COX7B: variants seen among roughly 807,000 people sequenced by gnomAD.
The protein encoded by COX7B is cytochrome c oxidase subunit 7B, mitochondrial.
Under a neutral mutation model 7.9 loss-of-function variants are expected in COX7B, and 2 were observed. The observed-to-expected ratio is 0.25, with a 90% CI of 0.10 to 0.79. The LOEUF (loss-of-function observed/expected upper bound fraction) is 0.79. Among genes scored for constraint, COX7B ranks in the 30% least tolerant of loss-of-function variants. The pLI is 0.69. For synonymous variants in COX7B, 19 were observed against 21.1 expected (o/e 0.90, Z 0.27); for missense variants, 54 against 62.7 (o/e 0.86, Z 0.47).
At chrX:77,903,028 GT>G (rs781818450) in intron 2 of COX7B, 3,464 of 143,206 alleles carry the variant, frequency 0.024, no homozygotes, top group Middle Eastern at 0.045. Flanking sequence ...TTTTGTTTTT[GT>G]TTTTTTTTTT....
chrX:77,903,390 C>T (rs2149033801), intron 2 of COX7B, among the ~76,000 whole-genome samples: 1 of 109,109 alleles, frequency 9.2e-6, no homozygotes, highest in Admixed American at 1.0e-4. Flanking sequence ...GACGGGGTTT[C>T]ACCATGTTAG....
rs1330569799 is a variant in COX7B at position 77,907,156 on chromosome X, C to T, written c.*1895C>T. 9.0e-6 allele frequency: 1 copy of T among 111,427 alleles called. No homozygotes were observed. Among genetic ancestry groups the T allele is most frequent in the African/African-American group, 3.3e-5 (1 of 30,679 alleles). The allele number at this position is 111,427 out of a possible 1,213,427, so 9.2% of individuals were successfully genotyped here. A position where few individuals can be genotyped will look rare whatever the true frequency, so the allele number is the denominator to read the frequency against. ...AGTTTCTCATCAAATGGACCAAAGT[C>T]AGTGATTTTATTTGAAGAGGAAAAA... On this transcript the variant is annotated 3_prime_UTR_variant, in exon 3 of 3. Transcript: ENST00000650309.
At chrX:77,904,659 CAAAAA>C (rs1324054242) in intron 2 of COX7B, among the ~76,000 whole-genome samples, 5 of 103,119 alleles carry the variant, frequency 4.8e-5, no homozygotes, top group Admixed American at 4.2e-4. Flanking sequence ...AAAAAAGTCT[CAAAAA>C]AAAAATTAAA....
rs782409270 is a variant in COX7B at position 77,906,399 on chromosome X, G to A, written c.*1138G>A. On this transcript the variant is annotated 3_prime_UTR_variant, in exon 3 of 3. Coordinates refer to ENST00000650309, the MANE Select transcript of COX7B (RefSeq NM_001866.3). ...AAGACTAGCTACTAGCTCCTTGGCT[G>A]TTTTGGCATATTCATCTTGATTATA... 30 of 111,835 alleles carry A rather than the reference G, an allele frequency of 2.7e-4. No homozygotes were observed. Among genetic ancestry groups the A allele is most frequent in the African/African-American group, 9.1e-4 (28 of 30,827 alleles). 9.2% of individuals were successfully genotyped at this position (111,835 alleles called of 1,213,427 possible).
At chrX:77,902,508 A>G in intron 1 of COX7B, 135 bp from the exon 2 acceptor site, 3 of 618,350 alleles carry the variant, frequency 4.9e-6, no homozygotes, top group Non-Finnish European at 7.3e-6. Context: ...AATATGTTTT[A>G]ACATTTTATT....
chrX:77,902,548 C>G, intron 1 of COX7B, 95 bp from the exon 2 acceptor site: 1 of 956,880 alleles, frequency 1.0e-6, no homozygotes, highest in East Asian at 3.1e-5. Flanking sequence ...AATTAACTTC[C>G]TTGGCTTTCC....
intron 1 of COX7B, among the ~76,000 whole-genome samples, chrX:77,899,794 C>T (rs1019335665): frequency 9.0e-6 from 1 of 111,093 alleles, no homozygotes; most frequent in Non-Finnish European, 1.9e-5. Context: ...TTCCAGCTCT[C>T]TTTCTGTTAT....
chrX:77,902,842 A>G (rs1320324887), intron 2 of COX7B, 75 bp downstream of exon 2: 3 of 1,004,231 alleles, frequency 3.0e-6, no homozygotes, highest in South Asian at 2.1e-5. Flanking sequence ...GTGTCTTAAC[A>G]TAGTAGTGTA....
In COX7B at chrX:77,905,210, G is replaced by C; in HGVS notation, c.192G>C (p.Trp64Cys). 2 of 1,209,922 alleles carry C rather than the reference G, an allele frequency of 1.7e-6. No individual in the cohort carries two copies. ...TYVATQVGIE[W>C]NLSPVGRVTP... ...TAGCAACACAAGTCGGAATAGAATG[G>C]AACCTGTCCCCTGTTGGCAGAGTTA... Residue 64 changes from tryptophan to cysteine, a missense_variant, in exon 3 of 3, where the codon TGG becomes TGC. Trp to Cys is a radical substitution (Grantham distance 215). Transcript: ENST00000650309.
chrX:77,902,638 G>GT lies in COX7B; in HGVS notation c.41-4dup, dbSNP rs2077123433. 8.3e-7 allele frequency: 1 copy of GT among 1,204,210 alleles called. No homozygotes were observed. The highest frequency in any genetic ancestry group is 1.8e-5 in the African/African-American group (1 of 56,857). ...TTCTGTATTCTTTTTTCGTTTTCCT[G>GT]TAAGTTCGAAGCATTCAGCAAACAA... On this transcript the variant is annotated splice_region_variant and splice_polypyrimidine_tract_variant and intron_variant, in intron 1 of 2. Transcript: ENST00000650309.
At chrX:77,904,290 A>G (rs1483582230) in intron 2 of COX7B, among the ~76,000 whole-genome samples, 1 of 110,562 alleles carries the variant, frequency 9.0e-6, no homozygotes, top group African/African-American at 3.3e-5. Context: ...CCTTAATGTA[A>G]TAAACTTTAT....
intron 2 of COX7B, among the ~76,000 whole-genome samples, chrX:77,903,936 GTTTTTTT>G (rs781838016): frequency 2.4e-5 from 2 of 84,036 alleles, no homozygotes; most frequent in Admixed American, 2.6e-4. Flanking sequence ...TTTGTTTTTT[GTTTTTTT>G]TTTTTTTGAG....
At chrX:77,899,681 C>T in intron 1 of COX7B, 88 bp downstream of exon 1, 3 of 898,191 alleles carry the variant, frequency 3.3e-6, no homozygotes, top group South Asian at 2.1e-5. Flanking sequence ...TTACGAACAT[C>T]TCGGCCTTCT....
At chrX:77,902,865 G>T in intron 2 of COX7B, 98 bp downstream of exon 2, 3 of 848,340 alleles carry the variant, frequency 3.5e-6, no homozygotes, top group Non-Finnish European at 3.3e-6. Flanking sequence ...TATCTAGTTA[G>T]GAGGGACTTG....
chrX:77,903,936 G>GTTT (rs781838016), intron 2 of COX7B, among the ~76,000 whole-genome samples: 3 of 84,030 alleles, frequency 3.6e-5, no homozygotes, highest in African/African-American at 8.7e-5. Context: ...TTTGTTTTTT[G>GTTT]TTTTTTTTTT....
chrX:77,905,403 T>C lies in COX7B; in HGVS notation c.*142T>C, dbSNP rs2077131811. On this transcript the variant is annotated 3_prime_UTR_variant, in exon 3 of 3. Transcript: ENST00000650309. ...AACCTTCATTGTAGGTTTTGTTTCT[T>C]TGTAAATGAAACTAAGCTTGATCAC... 2.1e-6 allele frequency: 1 copy of C among 474,924 alleles called. No homozygotes were observed. Among genetic ancestry groups the C allele is most frequent in the East Asian group, 3.8e-5 (1 of 26,593 alleles). 39.1% of individuals were successfully genotyped at this position (474,924 alleles called of 1,213,427 possible). A position where few individuals can be genotyped will look rare whatever the true frequency, so the allele number is the denominator to read the frequency against.
At position 77,906,960 on chromosome X, in the gene COX7B, A is replaced by G. The variant is rs1364355517; in HGVS notation, c.*1699A>G. On this transcript the variant is annotated 3_prime_UTR_variant, in exon 3 of 3. Coordinates refer to ENST00000650309, the MANE Select transcript of COX7B (RefSeq NM_001866.3). Reference sequence around the variant, plus strand: ...CATTACTTTCTTGGCTGAGAGCTGTAGTCTGTGGTAGTTGTTTTGTTTTGT... The same window carrying G: ...CATTACTTTCTTGGCTGAGAGCTGTGGTCTGTGGTAGTTGTTTTGTTTTGT... The G allele has an allele frequency of 2.7e-5, 3 of 109,112 alleles. No individual in the cohort carries two copies. Among genetic ancestry groups the G allele is most frequent in the Non-Finnish European group, 5.7e-5 (3 of 52,943 alleles). The allele number at this position is 109,112 out of a possible 1,213,427, so 9.0% of individuals were successfully genotyped here.
intron 2 of COX7B, among the ~76,000 whole-genome samples, chrX:77,903,928 T>C (rs1238816526): frequency 1.9e-5 from 2 of 107,558 alleles, no homozygotes; most frequent in Non-Finnish European, 3.9e-5. Context: ...TTTTTTGTTT[T>C]GTTTTTTGTT....
intron 1 of COX7B, 125 bp downstream of exon 1, chrX:77,899,718 C>A: frequency 1.5e-6 from 1 of 653,262 alleles, no homozygotes; most frequent in East Asian, 3.5e-5. Flanking sequence ...TGTCTCCCAT[C>A]TCGTCCCAAG....
Sources: allele counts gnomAD v4.1 joint callset (sites outside exome capture counted in the v4.1 genomes callset), GRCh38; gene constraint gnomAD v4.1.1; transcripts MANE v1.5; gene names NCBI Gene and HGNC (gene_info 2026-07-23, HGNC 2026-07-21).